Variants in PSG2 observed in about 807,000 individuals in gnomAD.
PSG2 encodes the protein pregnancy specific beta-1-glycoprotein 2, also known as pregnancy-specific beta-1-glycoprotein 2.
Under a neutral mutation model 36.2 loss-of-function variants are expected in PSG2, and 49 were observed. That is an observed-to-expected ratio of 1.35 (90% CI 1.08 to 1.72). PSG2 has a LOEUF of 1.72. Ranked by LOEUF, PSG2 falls within the 40% of genes most tolerant of loss-of-function variation. The pLI, the probability that PSG2 is intolerant of heterozygous loss-of-function variation, is 0.00. For missense variants in PSG2, 605 were observed against 407.2 expected (o/e 1.49, Z -4.18); for synonymous variants, 261 against 155.6 (o/e 1.68, Z -5.04).
At position 43,075,344 on chromosome 19, in the gene PSG2, A is replaced by G. The variant is rs772852708; in HGVS notation, c.709+10T>C. On this transcript the variant is annotated intron_variant, in intron 3 of 5. Coordinates refer to ENST00000406487, the MANE Select transcript of PSG2 (RefSeq NM_031246.4). ...GCAGTCTGGCCCACAGAGGAACAGA[A>G]GATACTCACGGAGGAGATTCAGGGT... 10 of 1,613,068 alleles carry G rather than the reference A, an allele frequency of 6.2e-6. No homozygotes were observed. Among genetic ancestry groups the G allele is most frequent in the South Asian group, 1.1e-5 (1 of 91,050 alleles).
chr19:43,081,164 C>T lies in PSG2; in HGVS notation c.147G>A (p.Lys49=), dbSNP rs1967967365. 6.2e-7 allele frequency: 1 copy of T among 1,612,654 alleles called. No individual in the cohort carries two copies. The highest frequency in any genetic ancestry group is 1.7e-5 in the Admixed American group (1 of 59,898). Residue 49 remains lysine, a synonymous_variant, in exon 2 of 6, where the codon AAG becomes AAA. Transcript: ENST00000406487. The part of the protein sequence containing the change: ...EAQPPKVSEG[K]DVLLLVHNLP... ...AATTGTGGACAAGTAGAAGAACATC[C>T]TTCCCCTCGGAAACTTTTGGTGGCT... is the stretch of plus-strand genomic sequence containing the variant.
Position 43,073,279 on chromosome 19 carries a change from A to G in PSG2, c.710-1325T>C, listed in dbSNP as rs978999653. On this transcript the variant is annotated intron_variant, in intron 3 of 5. Transcript: ENST00000406487. ...TGAACCAGTGACCTCTAAAGATAGAACAGAGTGCAAGGAATGATCTAGAAA... is the reference window on the plus strand; with the variant it reads ...TGAACCAGTGACCTCTAAAGATAGAGCAGAGTGCAAGGAATGATCTAGAAA... Among the ~76,000 whole-genome samples, 40 of 151,864 alleles carry G rather than the reference A, an allele frequency of 2.6e-4. 1 individual carries two copies. The highest frequency in any genetic ancestry group is 5.8e-4 in the East Asian group (3 of 5,178).
At chr19:43,082,284 G>T in intron 1 of PSG2, 1 of 626,232 alleles carries the variant, frequency 1.6e-6, no homozygotes, top group African/African-American at 1.9e-5. Context: ...GGAATTACAG[G>T]AACACACGAC....
chr19:43,081,069 G>T lies in PSG2; in HGVS notation c.242C>A (p.Ser81Ter), dbSNP rs1251384238. Residue 81 changes from serine (S) to a stop codon, truncating the protein, a stop_gained, in exon 2 of 6, where the codon TCA becomes TAA. Transcript: ENST00000406487. LOFTEE classifies it high-confidence loss of function. ...QIRDLYHYIT[S>*]YVVDGQIIIY... ...AATTATTTGACCGTCTACTACATAT[G>T]ATGTAATGTAATGGTAGAGGTCCCT... 1 of 1,612,840 alleles carries T rather than the reference G, an allele frequency of 6.2e-7. No individual in the cohort carries two copies. The highest frequency in any genetic ancestry group is 8.5e-7 in the Non-Finnish European group (1 of 1,179,632).
intron 2 of PSG2, among the ~76,000 whole-genome samples, chr19:43,077,943 CAGAAGTCTCTA>C (rs58483066): frequency 0.015 from 2,335 of 151,684 alleles, 97 homozygotes; most frequent in East Asian, 0.095. Context: ...GACCGGAAGC[CAGAAGTCTCTA>C]GGAAGTGACT....
At chr19:43,072,414 C>T in intron 3 of PSG2, 1 of 1,612,566 alleles carries the variant, frequency 6.2e-7, no homozygotes, top group South Asian at 1.1e-5. Context: ...ATTTCACATT[C>T]ATAGGGTCCT....
intron 4 of PSG2, among the ~76,000 whole-genome samples, chr19:43,068,190 C>G (rs1406067005): frequency 6.6e-6 from 1 of 151,192 alleles, no homozygotes; most frequent in African/African-American, 2.5e-5. Flanking sequence ...AATCCTAGCA[C>G]TTTGGGAGGT....
chr19:43,068,778 A>T (rs1313627166), intron 4 of PSG2, among the ~76,000 whole-genome samples: 1 of 151,750 alleles, frequency 6.6e-6, no homozygotes, highest in Admixed American at 6.6e-5. Context: ...ACGGAGAAAG[A>T]CTGAAAGCTT....
At chr19:43,066,873 T>A (rs1291098188) in intron 4 of PSG2, among the ~76,000 whole-genome samples, 1 of 151,550 alleles carries the variant, frequency 6.6e-6, no homozygotes, top group Admixed American at 6.6e-5. Flanking sequence ...GATTGCTATT[T>A]TCTATGTCAT....
At chr19:43,067,699 A>T (rs531306046) in intron 4 of PSG2, among the ~76,000 whole-genome samples, 1 of 151,302 alleles carries the variant, frequency 6.6e-6, no homozygotes, top group East Asian at 1.9e-4. Context: ...GTTGATGATG[A>T]TGATAGTAAT....
chr19:43,078,370 A>G (rs1049557159), intron 2 of PSG2, among the ~76,000 whole-genome samples: 6 of 151,724 alleles, frequency 4.0e-5, no homozygotes, highest in African/African-American at 1.5e-4. Flanking sequence ...ATAATCCCTG[A>G]CTGCTCCAAT....
chr19:43,068,720 T>TC (rs1967776361), intron 4 of PSG2, among the ~76,000 whole-genome samples: 1 of 151,650 alleles, frequency 6.6e-6, no homozygotes, highest in African/African-American at 2.4e-5. Context: ...GGAAACCACT[T>TC]CAACATAAAG....
intron 1 of PSG2, among the ~76,000 whole-genome samples, chr19:43,081,556 G>GTC (rs199637494): frequency 0.1 from 15,187 of 151,364 alleles, 1,010 homozygotes; most frequent in Admixed American, 0.15. Flanking sequence ...ACCCCATCAG[G>GTC]TCCTGCTCAC....
In PSG2 at chr19:43,073,248, C is replaced by G. The variant is rs1017944782; in HGVS notation, c.710-1294G>C. On this transcript the variant is annotated intron_variant, in intron 3 of 5. Coordinates refer to ENST00000406487, the MANE Select transcript of PSG2 (RefSeq NM_031246.4). ...GCTTTTTGCAGGTGTTTCATGATGACTTACTTGAACCAGTGACCTCTAAAG... is the reference window on the plus strand; with the variant it reads ...GCTTTTTGCAGGTGTTTCATGATGAGTTACTTGAACCAGTGACCTCTAAAG... Among the ~76,000 whole-genome samples, 7 of 151,766 alleles carry G rather than the reference C, an allele frequency of 4.6e-5. 1 individual carries two copies. The highest frequency in any genetic ancestry group is 1.7e-4 in the African/African-American group (7 of 41,126).
intron 2 of PSG2, among the ~76,000 whole-genome samples, chr19:43,076,915 CTTCTTTTTAGCATCA>C (rs571896482): frequency 0.013 from 1,945 of 151,264 alleles, 93 homozygotes; most frequent in African/African-American, 0.046. Context: ...CCAGTGAGCA[CTTCTTTTTAGCATCA>C]CATCAGTGGT....
At chr19:43,066,729 A>T in intron 4 of PSG2, 129 bp from the exon 5 acceptor site, 4 of 1,366,668 alleles carry the variant, frequency 2.9e-6, no homozygotes, top group Non-Finnish European at 3.0e-6. Flanking sequence ...TTTCTCTTGG[A>T]ATATTGATGG....
chr19:43,073,781 T>C (rs912758919), intron 3 of PSG2, among the ~76,000 whole-genome samples: 2 of 151,612 alleles, frequency 1.3e-5, no homozygotes, highest in African/African-American at 4.9e-5. Flanking sequence ...TTCACACAGA[T>C]TGAGTATTTC....
Position 43,080,971 on chromosome 19 carries a change from G to T in PSG2, c.340C>A (p.Arg114=). The change falls in exon 2 of 6, where the codon CGG becomes AGG. Residue 114 remains arginine, a synonymous_variant. Coordinates refer to ENST00000406487, the MANE Select transcript of PSG2 (RefSeq NM_031246.4). ...NASLLIQNVT[R]EDAGSYTLHI... Reference sequence around the variant, plus strand: ...AAGGTGTAGGATCCTGCGTCCTCCCGGGTGACATTCTGGATCAGCAGGGAT... The same window carrying T: ...AAGGTGTAGGATCCTGCGTCCTCCCTGGTGACATTCTGGATCAGCAGGGAT... 1 of 1,612,986 alleles carries T rather than the reference G, an allele frequency of 6.2e-7. No individual in the cohort carries two copies. The highest frequency in any genetic ancestry group is 8.5e-7 in the Non-Finnish European group (1 of 1,179,678).
Position 43,075,375 on chromosome 19 carries a change from G to T in PSG2, c.688C>A (p.Pro230Thr), listed in dbSNP as rs1424284526. 6.2e-7 allele frequency: 1 copy of T among 1,613,152 alleles called. No individual in the cohort carries two copies. Among genetic ancestry groups the T allele is most frequent in the Non-Finnish European group, 8.5e-7 (1 of 1,179,642 alleles). Reference sequence around the variant, plus strand: ...TCACGGAGGAGATTCAGGGTGACTGGGTCACTGCGGCTGGCACTCCCTGAG... The same window carrying T: ...TCACGGAGGAGATTCAGGGTGACTGTGTCACTGCGGCTGGCACTCCCTGAG... The part of the protein sequence containing the change: ...RNSGSASRSD[P>T]VTLNLLHGPD... Residue 230 changes from proline (P) to threonine (T), a missense_variant, in exon 3 of 6, where the codon CCA becomes ACA. Physicochemically the swap from Pro to Thr is conservative, Grantham distance 38. Transcript: ENST00000406487.
Sources: allele counts gnomAD v4.1 joint callset (sites outside exome capture counted in the v4.1 genomes callset), GRCh38; gene constraint gnomAD v4.1.1; transcripts MANE v1.5; gene names NCBI Gene and HGNC (gene_info 2026-07-23, HGNC 2026-07-21).